The following TMPRSS11D variants were observed in gnomAD, a reference collection of about 807,000 sequenced individuals.
The protein encoded by TMPRSS11D is transmembrane protease serine 11D.
TMPRSS11D carries 32 observed loss-of-function variants against 44.4 expected under a neutral mutation model. The observed-to-expected ratio is 0.72, with a 90% CI of 0.54 to 0.97. TMPRSS11D has a LOEUF of 0.97. TMPRSS11D is among the 50% of genes least tolerant of loss of function. The pLI is 0.00. For synonymous variants in TMPRSS11D, 179 were observed against 177.9 expected (o/e 1.01, Z -0.05); for missense variants, 446 against 502.6 (o/e 0.89, Z 1.08).
intron 1 of TMPRSS11D, among the ~76,000 whole-genome samples, chr4:67,862,988 T>G (rs548032219): frequency 5.9e-5 from 9 of 151,654 alleles, no homozygotes; most frequent in Admixed American, 5.3e-4. Context: ...CACAACAACA[T>G]GGCACATGCA....
At chr4:67,829,017 C>G (rs1359624598) in intron 7 of TMPRSS11D, among the ~76,000 whole-genome samples, 1 of 152,090 alleles carries the variant, frequency 6.6e-6, no homozygotes, top group Non-Finnish European at 1.5e-5. Context: ...GCTCATTCCT[C>G]TCATCAAATA....
At position 67,854,812 on chromosome 4, in the gene TMPRSS11D, C is replaced by T. The variant is rs974890701; in HGVS notation, c.131-626G>A. Among the ~76,000 whole-genome samples the T allele has an allele frequency of 7.9e-5, 12 of 152,324 alleles. No homozygotes were observed. In the East Asian group the frequency reaches 2.3e-3, roughly 29 times the overall value. On this transcript the variant is annotated intron_variant, in intron 2 of 9. Transcript: ENST00000283916. ...ATAAATAAATGTCCAGGACCAATGGCTTTATTGCTATTCTACCAAACCTTA... is the reference window on the plus strand; with the variant it reads ...ATAAATAAATGTCCAGGACCAATGGTTTTATTGCTATTCTACCAAACCTTA...
At position 67,859,483 on chromosome 4, in the gene TMPRSS11D, AAGAATGCC is replaced by A. The variant is rs1718741850; in HGVS notation, c.130+66_130+73del. 3 of 1,515,552 alleles carry A rather than the reference AAGAATGCC, an allele frequency of 2.0e-6. No homozygotes were observed. In the Admixed American group the frequency reaches 5.9e-5, roughly 30 times the overall value. The allele number at this position is 1,515,552 out of a possible 1,614,324, so 93.9% of individuals were successfully genotyped here. On this transcript the variant is annotated intron_variant, in intron 2 of 9. Transcript: ENST00000283916. ...AAGAAATAAAAGCCATAGTAAAAGA[AAGAATGCC>A]AGACTTTAAATCTGAAATTGTATGT...
chr4:67,866,795 C>T (rs970448373), intron 1 of TMPRSS11D, among the ~76,000 whole-genome samples: 4 of 151,710 alleles, frequency 2.6e-5, no homozygotes, highest in South Asian at 2.1e-4. Flanking sequence ...AAGATCTCTA[C>T]AAGGAAAATT....
chr4:67,863,199 G>T (rs1371116848), intron 1 of TMPRSS11D, among the ~76,000 whole-genome samples: 1 of 151,010 alleles, frequency 6.6e-6, no homozygotes, highest in Non-Finnish European at 1.5e-5. Context: ...TGTAAAAACT[G>T]ATCAGAATGG....
chr4:67,832,892 G>GA (rs1368889964), intron 7 of TMPRSS11D, among the ~76,000 whole-genome samples: 13 of 151,152 alleles, frequency 8.6e-5, no homozygotes, highest in East Asian at 5.8e-4. Flanking sequence ...CCTTAATTTG[G>GA]AAAAAAAATA....
intron 3 of TMPRSS11D, among the ~76,000 whole-genome samples, chr4:67,844,832 A>C (rs2064844630): frequency 6.6e-6 from 1 of 152,226 alleles, no homozygotes; most frequent in Non-Finnish European, 1.5e-5. Flanking sequence ...TCTATGATCT[A>C]GAATTAACCA....
intron 2 of TMPRSS11D, among the ~76,000 whole-genome samples, chr4:67,858,247 T>G (rs961499306): frequency 6.6e-6 from 1 of 152,144 alleles, no homozygotes; most frequent in African/African-American, 2.4e-5. Context: ...GAAGGGTGGT[T>G]GTTTGTAGTG....
intron 1 of TMPRSS11D, among the ~76,000 whole-genome samples, chr4:67,862,083 T>C (rs996795237): frequency 5.9e-5 from 9 of 152,176 alleles, no homozygotes; most frequent in African/African-American, 2.2e-4. Flanking sequence ...AAATATTCTA[T>C]TGTGACCCAT....
At chr4:67,849,496 T>G (rs1489934941) in intron 3 of TMPRSS11D, among the ~76,000 whole-genome samples, 1 of 151,998 alleles carries the variant, frequency 6.6e-6, no homozygotes, top group Admixed American at 6.6e-5. Context: ...AATGGCAGTG[T>G]AGAGGAGGGG....
chr4:67,832,546 C>T (rs1717972457), intron 7 of TMPRSS11D, among the ~76,000 whole-genome samples: 1 of 151,570 alleles, frequency 6.6e-6, no homozygotes, highest in African/African-American at 2.4e-5. Context: ...TGTAAGTTGC[C>T]TACATTAATT....
chr4:67,841,477 T>C (rs1718228810), intron 4 of TMPRSS11D, among the ~76,000 whole-genome samples: 2 of 152,144 alleles, frequency 1.3e-5, no homozygotes, highest in Admixed American at 1.3e-4. Context: ...AGGACTGATG[T>C]GGTTTCTTTG....
chr4:67,864,150 G>C (rs1344041217), intron 1 of TMPRSS11D, among the ~76,000 whole-genome samples: 1 of 151,730 alleles, frequency 6.6e-6, no homozygotes, highest in Non-Finnish European at 1.5e-5. Context: ...AGAAAAAAGC[G>C]CATTTCTTTA....
intron 1 of TMPRSS11D, among the ~76,000 whole-genome samples, chr4:67,882,404 C>A (rs1280056744): frequency 6.6e-6 from 1 of 152,054 alleles, no homozygotes; most frequent in East Asian, 1.9e-4. Context: ...TCCTTAGAAA[C>A]CAAAATTCCA....
At chr4:67,867,359 G>T (rs1219814658) in intron 1 of TMPRSS11D, among the ~76,000 whole-genome samples, 1 of 152,076 alleles carries the variant, frequency 6.6e-6, no homozygotes, top group Non-Finnish European at 1.5e-5. Context: ...TTAAATTTAT[G>T]ATCTGAAACT....
chr4:67,869,763 T>C (rs1359170530), intron 1 of TMPRSS11D, among the ~76,000 whole-genome samples: 1 of 152,312 alleles, frequency 6.6e-6, no homozygotes, highest in Non-Finnish European at 1.5e-5. Flanking sequence ...ATTTAATAAG[T>C]TGGTAGAAGG....
Position 67,822,489 on chromosome 4 carries a change from C to G in TMPRSS11D, c.1105G>C (p.Gly369Arg), listed in dbSNP as rs1717671411. The change falls in exon 10 of 10, where the codon GGT (glycine) becomes CGT (arginine). Residue 369 changes from glycine to arginine, a missense_variant. Gly to Arg is a moderately radical substitution (Grantham distance 125). Transcript: ENST00000283916. ...GAGTCTTCTTGTACTAGTGGGCCACCAGAGTCACCCTGTAAAAAAACAGAA... is the reference window on the plus strand; with the variant it reads ...GAGTCTTCTTGTACTAGTGGGCCACGAGAGTCACCCTGTAAAAAAACAGAA... ...GGVDACQGDS[G>R]GPLVQEDSRR... 1 of 1,613,660 alleles carries G rather than the reference C, an allele frequency of 6.2e-7. No individual in the cohort carries two copies. The highest frequency in any genetic ancestry group is 8.5e-7 in the Non-Finnish European group (1 of 1,179,834).
rs770483870 is a variant in TMPRSS11D at position 67,825,786 on chromosome 4, G to C, written c.1041C>G (p.Ile347Met). The change falls in exon 9 of 10, where the codon ATC (isoleucine) becomes ATG (methionine). Residue 347 changes from isoleucine (I) to methionine (M), a missense_variant. Physicochemically the swap from Ile to Met is conservative, Grantham distance 10 (BLOSUM62 1). Coordinates refer to ENST00000283916, the MANE Select transcript of TMPRSS11D (RefSeq NM_004262.3). ...CTCCAGCACACAGCATTCCAGACAA[G>C]ATGGCTCCATTATAACTATGTGGTG... ...CNAPHSYNGA[I>M]LSGMLCAGVP... 6.2e-7 allele frequency: 1 copy of C among 1,613,036 alleles called. No individual in the cohort carries two copies. The highest frequency in any genetic ancestry group is 1.3e-5 in the African/African-American group (1 of 74,822).
At chr4:67,878,036 A>T (rs541089815) in intron 1 of TMPRSS11D, among the ~76,000 whole-genome samples, 1 of 152,348 alleles carries the variant, frequency 6.6e-6, no homozygotes, top group South Asian at 2.1e-4. Flanking sequence ...TAATTTATAA[A>T]GAAAAAAATT....
Sources: allele counts gnomAD v4.1 joint callset (sites outside exome capture counted in the v4.1 genomes callset), GRCh38; gene constraint gnomAD v4.1.1; transcripts MANE v1.5; gene names NCBI Gene and HGNC (gene_info 2026-07-23, HGNC 2026-07-21).